EPHB1: variants seen among roughly 807,000 people sequenced by gnomAD.
EPHB1 encodes ephrin type-B receptor 1.
A neutral mutation model predicts 94.4 loss-of-function variants in EPHB1; 30 were observed. The observed-to-expected ratio is 0.32, with a 90% CI of 0.24 to 0.43. The LOEUF (loss-of-function observed/expected upper bound fraction) is 0.43, where lower values mean the gene tolerates loss of function less well. Among genes scored for constraint, EPHB1 ranks in the 20% least tolerant of loss-of-function variants. EPHB1 has a pLI of 1.00. For missense variants in EPHB1, 1,055 were observed against 1,308.3 expected (o/e 0.81, Z 2.99); for synonymous variants, 522 against 489.1 (o/e 1.07, Z -0.89).
At chr3:135,096,502 C>T (rs1248996674) in intron 3 of EPHB1, among the ~76,000 whole-genome samples, 1 of 152,122 alleles carries the variant, frequency 6.6e-6, no homozygotes, top group African/African-American at 2.4e-5. Flanking sequence ...CTATACGTTC[C>T]CAGGTGGCAC....
At chr3:134,957,148 G>A (rs1933308516) in intron 3 of EPHB1, among the ~76,000 whole-genome samples, 1 of 152,140 alleles carries the variant, frequency 6.6e-6, no homozygotes, top group South Asian at 2.1e-4. Flanking sequence ...AGCAATTTTT[G>A]ACCCCAGGGA....
At chr3:134,874,303 G>A (rs1289510140) in intron 1 of EPHB1, among the ~76,000 whole-genome samples, 5 of 152,110 alleles carry the variant, frequency 3.3e-5, no homozygotes, top group African/African-American at 1.2e-4. Context: ...ACTCATAAGT[G>A]GGAGTTGAAC....
intron 3 of EPHB1, among the ~76,000 whole-genome samples, chr3:135,066,976 C>T (rs932359960): frequency 2.6e-5 from 4 of 152,082 alleles, no homozygotes; most frequent in African/African-American, 9.7e-5. Context: ...GTCTAGACAC[C>T]CAGCAAGTCT....
intron 3 of EPHB1, among the ~76,000 whole-genome samples, chr3:135,057,159 C>T (rs1224003738): frequency 6.6e-6 from 1 of 152,164 alleles, no homozygotes; most frequent in Admixed American, 6.5e-5. Flanking sequence ...GCCAAGGCTT[C>T]ATGGTTGCAA....
intron 4 of EPHB1, among the ~76,000 whole-genome samples, chr3:135,121,450 T>C (rs1939958621): frequency 6.6e-6 from 1 of 152,250 alleles, no homozygotes; most frequent in Non-Finnish European, 1.5e-5. Context: ...AGTTCTGTCC[T>C]GTAAGACCTA....
At chr3:134,975,491 C>G (rs1257214972) in intron 3 of EPHB1, among the ~76,000 whole-genome samples, 1 of 152,150 alleles carries the variant, frequency 6.6e-6, no homozygotes, top group Admixed American at 6.5e-5. Flanking sequence ...TCCTGACACT[C>G]TGCTACTCTG....
intron 2 of EPHB1, among the ~76,000 whole-genome samples, chr3:134,926,649 G>C (rs2038797685): frequency 6.6e-6 from 1 of 152,168 alleles, no homozygotes; most frequent in Non-Finnish European, 1.5e-5. Context: ...CTGCTGAGAT[G>C]GGGCTGGAGG....
chr3:135,195,482 C>T (rs1020915205), intron 11 of EPHB1, among the ~76,000 whole-genome samples: 14 of 151,370 alleles, frequency 9.2e-5, no homozygotes, highest in Non-Finnish European at 1.6e-4. Flanking sequence ...TATCCCTCCC[C>T]CATCTCCCCA....
chr3:135,191,347 CA>C (rs1942451022), intron 10 of EPHB1, among the ~76,000 whole-genome samples: 1 of 152,140 alleles, frequency 6.6e-6, no homozygotes, highest in South Asian at 2.1e-4. Flanking sequence ...AGCTTCCTTC[CA>C]ATCTTTTTTG....
chr3:135,048,348 C>T (rs933335341), intron 3 of EPHB1, among the ~76,000 whole-genome samples: 1 of 138,348 alleles, frequency 7.2e-6, no homozygotes, highest in African/African-American at 2.8e-5. Flanking sequence ...TGGCTTACTG[C>T]AGCCTCGACC....
In EPHB1 at chr3:134,996,333, G is replaced by A. The variant is rs576751607; in HGVS notation, c.805+44281G>A. The stretch of plus-strand genomic sequence containing the variant: ...TTCAGCCTCCCAAGTAGCTGGGACT[G>A]CAGGCACACAACACCACACCCAGCC... On this transcript the variant is annotated intron_variant, in intron 3 of 15. Transcript: ENST00000398015. Among the ~76,000 whole-genome samples the A allele has an allele frequency of 1.2e-4, 19 of 152,150 alleles. No homozygotes were observed. The East Asian group carries it at 1.4e-3, about 11-fold the overall frequency.
At chr3:134,978,506 G>T (rs1276900221) in intron 3 of EPHB1, among the ~76,000 whole-genome samples, 1 of 152,132 alleles carries the variant, frequency 6.6e-6, no homozygotes, top group Non-Finnish European at 1.5e-5. Flanking sequence ...GGTGCTAAGG[G>T]GTTCCCAGAA....
At chr3:135,051,563 G>C (rs1937168257) in intron 3 of EPHB1, among the ~76,000 whole-genome samples, 1 of 152,208 alleles carries the variant, frequency 6.6e-6, no homozygotes, top group African/African-American at 2.4e-5. Context: ...ATTAGTAACT[G>C]CTCTCCTATT....
At chr3:134,966,364 T>C (rs1933746440) in intron 3 of EPHB1, among the ~76,000 whole-genome samples, 4 of 152,130 alleles carry the variant, frequency 2.6e-5, no homozygotes, top group Admixed American at 1.3e-4. Flanking sequence ...CAACAAAGCT[T>C]CTTCAGAATG....
chr3:134,851,868 C>G (rs1003227562), intron 1 of EPHB1, among the ~76,000 whole-genome samples: 5 of 152,146 alleles, frequency 3.3e-5, no homozygotes, highest in Admixed American at 6.5e-5. Context: ...GTAGCTTTGT[C>G]CATGTTCAGA....
At chr3:135,176,047 T>TTC (rs1559862200) in intron 9 of EPHB1, among the ~76,000 whole-genome samples, 3 of 152,060 alleles carry the variant, frequency 2.0e-5, no homozygotes, top group African/African-American at 7.2e-5. Context: ...GGCTTTTTTT[T>TTC]CCCCTCATCA....
chr3:135,248,240 T>G (rs910849597), intron 13 of EPHB1, 76 bp from the exon 14 acceptor site: 18 of 1,397,138 alleles, frequency 1.3e-5, no homozygotes, highest in Non-Finnish European at 1.6e-5. Flanking sequence ...GGAGGCTCCA[T>G]ATAAAGGGGA....
chr3:135,019,928 C>T (rs1935931733), intron 3 of EPHB1, among the ~76,000 whole-genome samples: 1 of 152,204 alleles, frequency 6.6e-6, no homozygotes, highest in Non-Finnish European at 1.5e-5. Context: ...ATCAAAGGGT[C>T]TGTACTTGGC....
chr3:135,013,170 A>G (rs1211286500), intron 3 of EPHB1, among the ~76,000 whole-genome samples: 1 of 152,212 alleles, frequency 6.6e-6, no homozygotes, highest in Non-Finnish European at 1.5e-5. Flanking sequence ...CAGCACAGGA[A>G]TGCAGTCACT....
Sources: allele counts gnomAD v4.1 joint callset (sites outside exome capture counted in the v4.1 genomes callset), GRCh38; gene constraint gnomAD v4.1.1; transcripts MANE v1.5; gene names NCBI Gene and HGNC (gene_info 2026-07-23, HGNC 2026-07-21).